Variants in ROBO2 observed in about 807,000 individuals in gnomAD.
ROBO2 encodes roundabout homolog 2.
A neutral mutation model predicts 160.8 loss-of-function variants in ROBO2; 53 were observed. The ratio of observed to expected loss-of-function variants is 0.33; its 90% CI spans 0.26 to 0.41. The LOEUF is 0.41. Ranked by LOEUF, ROBO2 falls within the 10% of genes least tolerant of loss-of-function variation. The pLI is 1.00. For missense variants in ROBO2, 1,577 were observed against 1,722.4 expected, an observed-to-expected ratio of 0.92 and a Z score of 1.49; for synonymous variants, 664 against 611.7, an observed-to-expected ratio of 1.09 and a Z score of -1.26.
chr3:77,201,792 G>GA (rs2082938265), intron 2 of ROBO2, among the ~76,000 whole-genome samples: 2 of 152,036 alleles, frequency 1.3e-5, no homozygotes, highest in East Asian at 1.9e-4. Context: ...TCCATGAGGG[G>GA]AAAAAACACA....
intron 2 of ROBO2, among the ~76,000 whole-genome samples, chr3:76,484,478 C>T (rs549465015): frequency 5.3e-5 from 8 of 152,272 alleles, no homozygotes; most frequent in African/African-American, 1.9e-4. Context: ...GGGGAGTCGG[C>T]TATGCAGCAC....
chr3:77,641,550 G>C (rs1303325076), intron 24 of ROBO2, among the ~76,000 whole-genome samples: 2 of 152,028 alleles, frequency 1.3e-5, no homozygotes, highest in African/African-American at 2.4e-5. Flanking sequence ...AGAAATAATT[G>C]AATACATTGT....
rs573507946 is a variant in ROBO2, at chr3:76,113,311, T to A, written c.109+175709T>A. 3.9e-5 allele frequency among the ~76,000 whole-genome samples: 6 copies of A among 152,254 alleles called. No homozygotes were observed. The East Asian group carries it at 1.2e-3, about 29-fold the overall frequency. On this transcript the variant is annotated intron_variant, in intron 2 of 26. Transcript: ENST00000487694. ...CAATTATTTCTAAAATAATGGTGGA[T>A]AAGTTCAATTACTATAAAAATCTGA... is the stretch of plus-strand genomic sequence containing the variant.
chr3:76,142,616 A>G (rs1003543019), intron 2 of ROBO2, among the ~76,000 whole-genome samples: 4 of 151,990 alleles, frequency 2.6e-5, no homozygotes, highest in African/African-American at 4.8e-5. Flanking sequence ...AATCAAAAAA[A>G]TTAAACTTAT....
intron 2 of ROBO2, among the ~76,000 whole-genome samples, chr3:76,649,660 A>G (rs1029452208): frequency 5.3e-5 from 8 of 152,180 alleles, no homozygotes; most frequent in Admixed American, 1.3e-4. Flanking sequence ...TACAAGTTTA[A>G]AATATAAGTT....
chr3:76,510,613 A>C (rs551148402), intron 2 of ROBO2, among the ~76,000 whole-genome samples: 28 of 152,260 alleles, frequency 1.8e-4, no homozygotes, highest in African/African-American at 6.7e-4. Context: ...AGTCCCAGCT[A>C]CTTGGGAGGC....
chr3:76,340,595 G>T (rs17140647), intron 2 of ROBO2, among the ~76,000 whole-genome samples: 17,595 of 152,066 alleles, frequency 0.12, 1,149 homozygotes, highest in African/African-American at 0.17. Flanking sequence ...AACTTTTGCA[G>T]AAATCACATT....
chr3:76,631,425 A>G (rs1034445329), intron 2 of ROBO2, among the ~76,000 whole-genome samples: 1 of 146,746 alleles, frequency 6.8e-6, no homozygotes, highest in African/African-American at 2.5e-5. Flanking sequence ...GTACGGGTAG[A>G]AAAAAAAAAG....
At chr3:77,596,511 A>C in intron 18 of ROBO2, 112 bp from the exon 20 acceptor site, 3 of 1,320,464 alleles carry the variant, frequency 2.3e-6, no homozygotes, top group East Asian at 4.6e-5. Flanking sequence ...ACTTATATTA[A>C]TTTGAAGTCA....
At chr3:77,482,863 G>GA (rs967682729) in intron 4 of ROBO2, among the ~76,000 whole-genome samples, 73 of 144,646 alleles carry the variant, frequency 5.0e-4, no homozygotes, top group East Asian at 1.2e-3. Flanking sequence ...GGAATAGAAA[G>GA]AAAAAAAAAA....
chr3:77,575,738 C>T (rs1238153192), intron 14 of ROBO2, among the ~76,000 whole-genome samples: 2 of 152,202 alleles, frequency 1.3e-5, no homozygotes, highest in African/African-American at 4.8e-5. Flanking sequence ...TAATCATTAT[C>T]ATCATATCTT....
intron 2 of ROBO2, among the ~76,000 whole-genome samples, chr3:76,111,006 A>G (rs920508995): frequency 1.3e-5 from 2 of 152,078 alleles, no homozygotes; most frequent in African/African-American, 4.8e-5. Flanking sequence ...CCTAGTGTTA[A>G]TGGTTTTATT....
intron 2 of ROBO2, among the ~76,000 whole-genome samples, chr3:76,503,123 C>A (rs1287239425): frequency 6.6e-6 from 1 of 152,018 alleles, no homozygotes; most frequent in African/African-American, 2.4e-5. Flanking sequence ...AGCAAGGAGA[C>A]CCAGTCCAAG....
intron 2 of ROBO2, among the ~76,000 whole-genome samples, chr3:76,991,820 A>G (rs578067466): frequency 9.9e-4 from 151 of 152,282 alleles, no homozygotes; most frequent in African/African-American, 3.4e-3. Context: ...AGTGTGGCAG[A>G]GTTCAAAAAC....
At chr3:76,544,080 A>C (rs1396935714) in intron 2 of ROBO2, among the ~76,000 whole-genome samples, 4 of 152,060 alleles carry the variant, frequency 2.6e-5, no homozygotes, top group African/African-American at 9.7e-5. Flanking sequence ...TTCCCACAAT[A>C]GCCTTTCACC....
At chr3:76,354,718 AAACGT>A (rs2075056705) in intron 2 of ROBO2, among the ~76,000 whole-genome samples, 1 of 151,796 alleles carries the variant, frequency 6.6e-6, no homozygotes, top group South Asian at 2.1e-4. Flanking sequence ...AGGTTTTGGG[AAACGT>A]AATGAAAAAA....
intron 2 of ROBO2, among the ~76,000 whole-genome samples, chr3:77,188,272 G>A (rs548912885): frequency 6.6e-6 from 1 of 151,960 alleles, no homozygotes; most frequent in Non-Finnish European, 1.5e-5. Flanking sequence ...AAAAATTAAT[G>A]TATAGGATAT....
chr3:76,949,562 G>GGTGTCCACGTCCGACCGGCTTCTCCCCTA, intron 2 of ROBO2, among the ~76,000 whole-genome samples: 1 of 152,056 alleles, frequency 6.6e-6, no homozygotes, highest in South Asian at 2.1e-4. Context: ...CTTCTCCCCT[G>GGTGTCCACGTCCGACCGGCTTCTCCCCTA]TTTCCGGTGT....
intron 2 of ROBO2, among the ~76,000 whole-genome samples, chr3:77,357,006 T>C (rs77903940): frequency 1.7e-4 from 26 of 152,276 alleles, no homozygotes; most frequent in African/African-American, 6.3e-4. Flanking sequence ...AGTGTTTAGT[T>C]TGGAACAGGG....
Sources: gnomAD v4.1 joint callset for allele counts (sites outside exome capture counted in the v4.1 genomes callset) on GRCh38, gnomAD v4.1.1 for gene constraint, MANE v1.5 for transcripts, NCBI Gene and HGNC (gene_info 2026-07-23, HGNC 2026-07-21) for gene names.